SEMA3D: variants seen among roughly 807,000 people sequenced by gnomAD.
SEMA3D encodes the protein semaphorin 3D.
A neutral mutation model predicts 100.1 loss-of-function variants in SEMA3D; 84 were observed. The observed-to-expected ratio is 0.84, with a 90% CI of 0.70 to 1.01. SEMA3D has a LOEUF of 1.01. Ranked by LOEUF, SEMA3D falls within the 50% of genes least tolerant of loss-of-function variation. The probability of loss-of-function intolerance (pLI) is 0.00; values close to 1 mark genes in which losing one functional copy is unlikely to be tolerated. For synonymous variants in SEMA3D, 312 were observed against 320.7 expected, an observed-to-expected ratio of 0.97 and a Z score of 0.29; for missense variants, 875 against 934.1, an observed-to-expected ratio of 0.94 and a Z score of 0.82.
At chr7:85,072,725 G>A (rs898149383) in intron 6 of SEMA3D, among the ~76,000 whole-genome samples, 7 of 152,016 alleles carry the variant, frequency 4.6e-5, no homozygotes, top group Non-Finnish European at 1.5e-5. Context: ...TTCATTTTTT[G>A]TTTTGTTTTG....
At chr7:85,235,327 C>T in the SEMA3D span, among the ~76,000 whole-genome samples, 22 of 151,940 alleles carry the variant, frequency 1.4e-4, no homozygotes, top group African/African-American at 5.1e-4. Context: ...AGTATGTTGT[C>T]GGGGGTATTT....
At chr7:85,099,830 G>A (rs1294698287) in intron 3 of SEMA3D, among the ~76,000 whole-genome samples, 1 of 151,868 alleles carries the variant, frequency 6.6e-6, no homozygotes, top group Non-Finnish European at 1.5e-5. Context: ...ATCTTCCTTG[G>A]TGAGATGTCT....
chr7:85,210,383 C>T, the SEMA3D span, among the ~76,000 whole-genome samples: 1 of 151,798 alleles, frequency 6.6e-6, no homozygotes, highest in Non-Finnish European at 1.5e-5. Flanking sequence ...TTAATTTATG[C>T]TTTTAGGGAA....
intron 3 of SEMA3D, among the ~76,000 whole-genome samples, chr7:85,100,038 A>C (rs1788699653): frequency 6.6e-6 from 1 of 152,070 alleles, no homozygotes; most frequent in East Asian, 1.9e-4. Flanking sequence ...TGGAGAATTG[A>C]AGTTTTTCTA....
intron 2 of SEMA3D, among the ~76,000 whole-genome samples, chr7:85,139,844 T>C (rs558638437): frequency 3.2e-5 from 4 of 125,548 alleles, no homozygotes; most frequent in South Asian, 5.2e-4. Context: ...TCTATTTCTC[T>C]ATCAAAGAAT....
Position 85,065,549 on chromosome 7 carries a change from T to A in SEMA3D, c.593A>T (p.Glu198Val). The A allele has an allele frequency of 6.2e-7, 1 of 1,612,546 alleles. No homozygotes were observed. Among genetic ancestry groups the A allele is most frequent in the Non-Finnish European group, 8.5e-7 (1 of 1,178,824 alleles). Residue 198 changes from glutamate to valine, a missense_variant, in exon 8 of 19, where the codon GAG becomes GTG. Glu to Val is a moderately radical substitution (Grantham distance 121). Coordinates refer to ENST00000284136, the MANE Select transcript of SEMA3D (RefSeq NM_001384900.1). ...AGAAGCTGTTCCAGAGTAGAGGTAC[T>A]CATCTGAGAGGGAGAAAAAAGTACA... is the stretch of plus-strand genomic sequence containing the variant. The part of the protein sequence containing the change: ...QQPFASVMTD[E>V]YLYSGTASDF...
At chr7:85,184,192 G>T (rs541034497) in intron 1 of SEMA3D, among the ~76,000 whole-genome samples, 1 of 152,226 alleles carries the variant, frequency 6.6e-6, no homozygotes, top group South Asian at 2.1e-4. Context: ...TACAGATACA[G>T]CATCATAACT....
chr7:85,132,227 T>C (rs1005471544), intron 2 of SEMA3D, among the ~76,000 whole-genome samples: 11 of 151,848 alleles, frequency 7.2e-5, no homozygotes, highest in Admixed American at 2.6e-4. Flanking sequence ...ATATCAAACA[T>C]AGCAAAACTT....
chr7:85,176,634 A>C (rs1286546751), intron 1 of SEMA3D, among the ~76,000 whole-genome samples: 1 of 152,102 alleles, frequency 6.6e-6, no homozygotes, highest in Non-Finnish European at 1.5e-5. Flanking sequence ...TAGAAAAGTG[A>C]AAACAACTTT....
chr7:85,238,041 T>C, the SEMA3D span, among the ~76,000 whole-genome samples: 5 of 152,228 alleles, frequency 3.3e-5, no homozygotes, highest in Non-Finnish European at 5.9e-5. Flanking sequence ...TCTTTTCAAA[T>C]GCTTGCCATC....
chr7:85,125,610 A>G (rs1157992732), intron 2 of SEMA3D, among the ~76,000 whole-genome samples: 1 of 152,108 alleles, frequency 6.6e-6, no homozygotes, highest in Non-Finnish European at 1.5e-5. Context: ...AAAAGCCTTT[A>G]TATATTTTTC....
In SEMA3D at chr7:85,001,732, T is replaced by C. The variant is rs112869361; in HGVS notation, c.1909-1867A>G. Among the ~76,000 whole-genome samples the C allele has an allele frequency of 3.9e-5, 6 of 152,264 alleles. 1 individual carries two copies. The highest frequency in any genetic ancestry group is 1.4e-4 in the African/African-American group (6 of 41,562). On this transcript the variant is annotated intron_variant, in intron 18 of 18. Coordinates refer to ENST00000284136, the MANE Select transcript of SEMA3D (RefSeq NM_001384900.1). Reference sequence around the variant, plus strand: ...GTGTTTGGGGGATTAAAAGCAAAGCTCTTTGAAGGTTAAAATGTGAAGTAT... The same window carrying C: ...GTGTTTGGGGGATTAAAAGCAAAGCCCTTTGAAGGTTAAAATGTGAAGTAT...
the SEMA3D span, among the ~76,000 whole-genome samples, chr7:85,211,515 A>AT: frequency 6.6e-6 from 1 of 152,220 alleles, no homozygotes; most frequent in South Asian, 2.1e-4. Context: ...TTCTTCACTC[A>AT]TTGCTAGGTT....
intron 2 of SEMA3D, among the ~76,000 whole-genome samples, chr7:85,129,431 T>C (rs948376639): frequency 2.6e-5 from 4 of 152,130 alleles, no homozygotes; most frequent in African/African-American, 7.2e-5. Context: ...AAATTAGTTA[T>C]GTCAAAGGAG....
intron 9 of SEMA3D, among the ~76,000 whole-genome samples, chr7:85,044,031 T>C (rs1288305574): frequency 6.6e-6 from 1 of 152,100 alleles, no homozygotes; most frequent in African/African-American, 2.4e-5. Flanking sequence ...TTTAAATTAC[T>C]ATTGAAGCCA....
intron 2 of SEMA3D, among the ~76,000 whole-genome samples, chr7:85,130,080 TA>T (rs1789681378): frequency 6.6e-6 from 1 of 152,092 alleles, no homozygotes; most frequent in Non-Finnish European, 1.5e-5. Context: ...GGAAATAGGA[TA>T]AAAAATTTAA....
At chr7:85,052,833 AAAT>A (rs1791204573) in intron 9 of SEMA3D, among the ~76,000 whole-genome samples, 1 of 151,924 alleles carries the variant, frequency 6.6e-6, no homozygotes, top group East Asian at 1.9e-4. Flanking sequence ...TTAGATAATA[AAAT>A]AATAAACAAA....
intron 1 of SEMA3D, among the ~76,000 whole-genome samples, chr7:85,180,013 T>C (rs926070866): frequency 1.3e-5 from 2 of 152,188 alleles, no homozygotes; most frequent in Admixed American, 1.3e-4. Context: ...TGGGGAACTG[T>C]TGGAAAAGCA....
chr7:85,102,129 TA>T, intron 3 of SEMA3D, among the ~76,000 whole-genome samples: 1 of 152,118 alleles, frequency 6.6e-6, no homozygotes, highest in African/African-American at 2.4e-5. Context: ...GAAGTATATA[TA>T]AAATGTTAAA....
Sources: allele counts gnomAD v4.1 joint callset (sites outside exome capture counted in the v4.1 genomes callset), GRCh38; gene constraint gnomAD v4.1.1; transcripts MANE v1.5; gene names NCBI Gene and HGNC (gene_info 2026-07-23, HGNC 2026-07-21).